The following CCNY variants were observed in gnomAD, a reference collection of about 807,000 sequenced individuals.
CCNY encodes cyclin Y.
CCNY carries 19 observed loss-of-function variants against 42.8 expected under a neutral mutation model. The observed-to-expected ratio is 0.44, with a 90% CI of 0.31 to 0.65. CCNY has a LOEUF of 0.65. Among genes scored for constraint, CCNY ranks in the 30% least tolerant of loss-of-function variants. CCNY has a pLI of 0.07. For missense variants in CCNY, 370 were observed against 437.3 expected, an observed-to-expected ratio of 0.85 and a Z score of 1.37; for synonymous variants, 165 against 162.7, an observed-to-expected ratio of 1.01 and a Z score of -0.11.
chr10:35,521,993 G>A (rs1039580365), intron 4 of CCNY, among the ~76,000 whole-genome samples: 1 of 152,178 alleles, frequency 6.6e-6, no homozygotes, highest in African/African-American at 2.4e-5. Context: ...AGCCAAATTT[G>A]ACAAGACCTT....
intron 1 of CCNY, among the ~76,000 whole-genome samples, chr10:35,375,455 T>A (rs1315475075): frequency 6.6e-6 from 1 of 152,202 alleles, no homozygotes; most frequent in Non-Finnish European, 1.5e-5. Flanking sequence ...CTCATCTCTC[T>A]ACCTTGAAGC....
At chr10:35,563,574 C>T (rs1029250441) in intron 8 of CCNY, among the ~76,000 whole-genome samples, 1 of 152,176 alleles carries the variant, frequency 6.6e-6, no homozygotes, top group Non-Finnish European at 1.5e-5. Context: ...GGGCCTCTGA[C>T]GCTTTCGTTT....
Position 35,337,101 on chromosome 10 carries a change from G to A in CCNY, c.48G>A (p.Arg16=). 1 of 1,595,126 alleles carries A rather than the reference G, an allele frequency of 6.3e-7. No individual in the cohort carries two copies. The highest frequency in any genetic ancestry group is 8.5e-7 in the Non-Finnish European group (1 of 1,172,704). The change falls in exon 1 of 10, where the codon CGG becomes CGA. Residue 16 remains arginine, a synonymous_variant. Transcript: ENST00000374704. ...GCGTGTCGTCCAGTCCCAAGCTCCG[G>A]AGGAATGCCCACTCCCGGCTGGAGT... is the stretch of plus-strand genomic sequence containing the variant. ...SCCVSSSPKL[R]RNAHSRLESY...
intron 3 of CCNY, among the ~76,000 whole-genome samples, chr10:35,266,005 T>C (rs1044202594): frequency 1.2e-4 from 19 of 152,168 alleles, no homozygotes; most frequent in Admixed American, 5.2e-4. Flanking sequence ...AAGCCATCCC[T>C]GGGTTGTTAT....
chr10:35,514,923 T>C (rs1328676123), intron 3 of CCNY, among the ~76,000 whole-genome samples: 1 of 152,264 alleles, frequency 6.6e-6, no homozygotes, highest in Non-Finnish European at 1.5e-5. Flanking sequence ...ATTTTTAGTT[T>C]ATCACCTATG....
At chr10:35,335,669 G>A (rs1836007301), upstream of CCNY, among the ~76,000 whole-genome samples, 1 of 152,006 alleles carries the variant, frequency 6.6e-6, no homozygotes, top group South Asian at 2.1e-4. Flanking sequence ...CCCGGGTTAC[G>A]AAGCGAGATC....
At chr10:35,517,027 A>G (rs147928409) in intron 4 of CCNY, among the ~76,000 whole-genome samples, 14 of 152,254 alleles carry the variant, frequency 9.2e-5, no homozygotes, top group Admixed American at 2.6e-4. Flanking sequence ...TGAGACTCCT[A>G]TGTTCCCAGT....
At chr10:35,301,945 T>A (rs543211993) in intron 3 of CCNY, among the ~76,000 whole-genome samples, 16 of 150,982 alleles carry the variant, frequency 1.1e-4, no homozygotes, top group South Asian at 4.2e-4. Context: ...CATTGTTATT[T>A]TTTATTTTAT....
chr10:35,443,050 G>A (rs969915821), intron 1 of CCNY, among the ~76,000 whole-genome samples: 2 of 152,182 alleles, frequency 1.3e-5, no homozygotes, highest in African/African-American at 4.8e-5. Context: ...AAAAGGTACA[G>A]TAACAATACG....
At chr10:35,475,023 G>T (rs1246945332) in intron 1 of CCNY, among the ~76,000 whole-genome samples, 1 of 151,492 alleles carries the variant, frequency 6.6e-6, no homozygotes, top group East Asian at 1.9e-4. Context: ...GAGCTGATGC[G>T]ATCAACTGGA....
In CCNY at chr10:35,506,265, C is replaced by T. The variant is rs374966814; in HGVS notation, c.264+4730C>T. On this transcript the variant is annotated intron_variant, in intron 3 of 9. Transcript: ENST00000374704. ...TAATTTCAAATGTATAGAAAAGTAA[C>T]AGCAATAATTGAGAGTACAGGATTT... Among the ~76,000 whole-genome samples, 32 of 152,294 alleles carry T rather than the reference C, an allele frequency of 2.1e-4. 2 individuals are homozygous for T. The South Asian group carries it at 6.2e-3, about 30-fold the overall frequency.
At chr10:35,466,811 C>A (rs990266521) in intron 1 of CCNY, among the ~76,000 whole-genome samples, 1 of 152,196 alleles carries the variant, frequency 6.6e-6, no homozygotes, top group African/African-American at 2.4e-5. Flanking sequence ...CTCGCTCTGT[C>A]ACCCAGGCTG....
chr10:35,436,731 G>C (rs1750480301), intron 1 of CCNY, among the ~76,000 whole-genome samples: 1 of 152,114 alleles, frequency 6.6e-6, no homozygotes, highest in African/African-American at 2.4e-5. Flanking sequence ...CTGTACGTTG[G>C]ATGAAAATGA....
chr10:35,563,541 G>A (rs965802869), intron 8 of CCNY, among the ~76,000 whole-genome samples: 2 of 152,148 alleles, frequency 1.3e-5, no homozygotes, highest in African/African-American at 4.8e-5. Context: ...CTCCTTTGAC[G>A]TTTGACAGTT....
intron 3 of CCNY, among the ~76,000 whole-genome samples, chr10:35,300,336 C>G (rs192838258): frequency 6.6e-4 from 101 of 152,190 alleles, no homozygotes; most frequent in Non-Finnish European, 2.1e-4. Context: ...CTGAGTTCCC[C>G]TCCTGTATCA....
rs368414778 is a variant in CCNY, at chr10:35,426,138, C to A, written c.155-57266C>A. Reference sequence around the variant, plus strand: ...ACACACACACACACACACACACACACACACACACACACACACACACAGATG... The same window carrying A: ...ACACACACACACACACACACACACAAACACACACACACACACACACAGATG... On this transcript the variant is annotated intron_variant, in intron 1 of 9. Transcript: ENST00000374704. 7.2e-3 allele frequency among the ~76,000 whole-genome samples: 986 copies of A among 136,158 alleles called. 15 individuals are homozygous for A. Among genetic ancestry groups the A allele is most frequent in the African/African-American group, 0.029 (943 of 32,818 alleles). The allele number at this position is 136,158 out of a possible 152,430, so 89.3% of individuals were successfully genotyped here.
At chr10:35,357,335 C>G (rs1251902245) in intron 1 of CCNY, among the ~76,000 whole-genome samples, 2 of 152,176 alleles carry the variant, frequency 1.3e-5, no homozygotes, top group African/African-American at 2.4e-5. Flanking sequence ...AGGACAGGGA[C>G]ATGTCTTGCC....
chr10:35,460,219 CTT>C (rs1839127075), intron 1 of CCNY, among the ~76,000 whole-genome samples: 1 of 152,188 alleles, frequency 6.6e-6, no homozygotes, highest in African/African-American at 2.4e-5. Flanking sequence ...CTCTGAGCCT[CTT>C]TTAAAAAATC....
intron 1 of CCNY, among the ~76,000 whole-genome samples, chr10:35,349,526 C>G (rs1836383171): frequency 6.6e-6 from 1 of 152,194 alleles, no homozygotes; most frequent in Non-Finnish European, 1.5e-5. Flanking sequence ...GTGTTCTGTT[C>G]CCTAAGCTCA....
Sources: gnomAD v4.1 joint callset for allele counts (sites outside exome capture counted in the v4.1 genomes callset) on GRCh38, gnomAD v4.1.1 for gene constraint, MANE v1.5 for transcripts, NCBI Gene and HGNC (gene_info 2026-07-23, HGNC 2026-07-21) for gene names.